Variants in SPATA16 observed in about 807,000 individuals in gnomAD.
The protein encoded by SPATA16 is spermatogenesis-associated protein 16.
Under a neutral mutation model 63.3 loss-of-function variants are expected in SPATA16, and 36 were observed. That is an observed-to-expected ratio of 0.57 (90% confidence interval 0.44 to 0.75). The LOEUF is 0.75. Ranked by LOEUF, SPATA16 falls within the 30% of genes least tolerant of loss-of-function variation. The pLI is 0.00. For missense variants in SPATA16, 646 were observed against 679.3 expected (o/e 0.95, Z 0.54); for synonymous variants, 203 against 216.7 (o/e 0.94, Z 0.56).
chr3:173,076,787 C>T (rs1488160941), intron 2 of SPATA16, among the ~76,000 whole-genome samples: 1 of 152,084 alleles, frequency 6.6e-6, no homozygotes, highest in African/African-American at 2.4e-5. Context: ...CATAAATCCC[C>T]TTTTATCACT....
intron 5 of SPATA16, among the ~76,000 whole-genome samples, chr3:172,964,511 C>T (rs1733863440): frequency 6.6e-6 from 1 of 152,130 alleles, no homozygotes; most frequent in Non-Finnish European, 1.5e-5. Context: ...AAATAAATAG[C>T]TACATTACCT....
In SPATA16 at chr3:173,049,107, T is replaced by C. The variant is rs749048781; in HGVS notation, c.613-13A>G. Reference sequence around the variant, plus strand: ...CTTTGCTGCAAAGCTTTAAAAAATATAGTACTTTCAACATCTTAATAATCT... The same window carrying C: ...CTTTGCTGCAAAGCTTTAAAAAATACAGTACTTTCAACATCTTAATAATCT... On this transcript the variant is annotated splice_polypyrimidine_tract_variant and intron_variant, in intron 2 of 10. Coordinates refer to ENST00000351008, the MANE Select transcript of SPATA16 (RefSeq NM_031955.6). 1.0e-4 allele frequency: 168 copies of C among 1,604,738 alleles called. No individual in the cohort carries two copies. The highest frequency in any genetic ancestry group is 1.4e-4 in the Non-Finnish European group (162 of 1,174,856).
intron 2 of SPATA16, among the ~76,000 whole-genome samples, chr3:173,090,918 G>C (rs1737205642): frequency 6.6e-6 from 1 of 152,136 alleles, no homozygotes; most frequent in African/African-American, 2.4e-5. Flanking sequence ...AATTTAGTTT[G>C]CTTCTGGGCA....
intron 10 of SPATA16, among the ~76,000 whole-genome samples, chr3:172,897,270 C>T (rs1419115637): frequency 2.0e-5 from 3 of 152,026 alleles, no homozygotes; most frequent in Non-Finnish European, 4.4e-5. Flanking sequence ...CAGGATATAT[C>T]GGTTTATTTC....
chr3:173,075,018 G>T (rs909295865), intron 2 of SPATA16, among the ~76,000 whole-genome samples: 2 of 133,186 alleles, frequency 1.5e-5, no homozygotes, highest in African/African-American at 2.8e-5. Flanking sequence ...AAAAAGGAAA[G>T]AAAAGAAAAA....
At chr3:172,908,283 C>A (rs917034092) in intron 10 of SPATA16, among the ~76,000 whole-genome samples, 1 of 152,054 alleles carries the variant, frequency 6.6e-6, no homozygotes, top group Non-Finnish European at 1.5e-5. Flanking sequence ...GCTGTGGCAG[C>A]GGACTTTCCA....
At chr3:173,017,241 A>T (rs1205910986) in intron 4 of SPATA16, among the ~76,000 whole-genome samples, 4 of 152,200 alleles carry the variant, frequency 2.6e-5, no homozygotes, top group Non-Finnish European at 5.9e-5. Flanking sequence ...ACTGCACACC[A>T]GCATAACCAA....
At chr3:173,130,172 C>A (rs1738335776) in intron 1 of SPATA16, among the ~76,000 whole-genome samples, 1 of 151,894 alleles carries the variant, frequency 6.6e-6, no homozygotes, top group Admixed American at 6.6e-5. Context: ...CCATCCTGGT[C>A]AACATGGTGA....
chr3:172,952,111 A>T (rs1333333912), intron 6 of SPATA16, among the ~76,000 whole-genome samples: 2 of 152,156 alleles, frequency 1.3e-5, no homozygotes, highest in Non-Finnish European at 2.9e-5. Flanking sequence ...TGAGAACATC[A>T]TCTGTAGCTG....
At chr3:172,892,617 CT>C (rs1283414193) in intron 10 of SPATA16, among the ~76,000 whole-genome samples, 2 of 151,894 alleles carry the variant, frequency 1.3e-5, no homozygotes, top group African/African-American at 2.4e-5. Context: ...TCTTTATTTT[CT>C]TTTTTTTATG....
intron 6 of SPATA16, among the ~76,000 whole-genome samples, chr3:172,950,811 T>C (rs937313103): frequency 1.9e-4 from 29 of 152,262 alleles, no homozygotes; most frequent in East Asian, 1.7e-3. Flanking sequence ...AGACAAAATA[T>C]GACTCTATCC....
intron 5 of SPATA16, among the ~76,000 whole-genome samples, chr3:172,968,986 G>T (rs1733981105): frequency 6.6e-6 from 1 of 152,134 alleles, no homozygotes; most frequent in Non-Finnish European, 1.5e-5. Flanking sequence ...CCTCAATTTG[G>T]ATACTTCCTC....
At chr3:172,946,324 G>C (rs1007805727) in intron 6 of SPATA16, among the ~76,000 whole-genome samples, 11 of 152,334 alleles carry the variant, frequency 7.2e-5, no homozygotes, top group African/African-American at 2.6e-4. Flanking sequence ...TTTAGGAAAG[G>C]AGAGAAAAGA....
rs144752782 is a variant in SPATA16, at chr3:172,924,986, G to T, written c.1228+360C>A. ...ATTAATACAACAACAGAGAATACAA[G>T]TAATTTAAGATTGTCATTGGCTATA... On this transcript the variant is annotated intron_variant, in intron 7 of 10. Coordinates refer to ENST00000351008, the MANE Select transcript of SPATA16 (RefSeq NM_031955.6). 3.9e-5 allele frequency among the ~76,000 whole-genome samples: 6 copies of T among 152,256 alleles called. No homozygotes were observed. In the East Asian group the frequency reaches 7.7e-4, roughly 20 times the overall value.
intron 4 of SPATA16, among the ~76,000 whole-genome samples, chr3:173,005,617 T>C (rs1734927703): frequency 6.6e-6 from 1 of 152,154 alleles, no homozygotes; most frequent in African/African-American, 2.4e-5. Context: ...TTAGAGGTAA[T>C]GCAAATTCAT....
chr3:172,956,393 G>A (rs1439165058), intron 6 of SPATA16, among the ~76,000 whole-genome samples: 1 of 152,056 alleles, frequency 6.6e-6, no homozygotes, highest in Non-Finnish European at 1.5e-5. Context: ...GGGAAAGATG[G>A]CATTTTACTA....
intron 1 of SPATA16, among the ~76,000 whole-genome samples, chr3:173,125,083 G>C (rs1042991674): frequency 6.6e-6 from 1 of 152,032 alleles, no homozygotes; most frequent in Non-Finnish European, 1.5e-5. Flanking sequence ...AACAATACCA[G>C]CGGGTCTCCT....
intron 1 of SPATA16, among the ~76,000 whole-genome samples, chr3:173,117,994 C>T (rs1455194044): frequency 6.6e-6 from 1 of 152,188 alleles, no homozygotes; most frequent in African/African-American, 2.4e-5. Flanking sequence ...AAATGATCCT[C>T]TGTGGCTGAA....
chr3:172,974,796 A>T (rs921592321), intron 5 of SPATA16, among the ~76,000 whole-genome samples: 1 of 152,048 alleles, frequency 6.6e-6, no homozygotes, highest in Non-Finnish European at 1.5e-5. Flanking sequence ...CTTCTCAAAC[A>T]CTTTATTCTA....
Sources: gnomAD v4.1 joint callset for allele counts (sites outside exome capture counted in the v4.1 genomes callset) on GRCh38, gnomAD v4.1.1 for gene constraint, MANE v1.5 for transcripts, NCBI Gene and HGNC (gene_info 2026-07-23, HGNC 2026-07-21) for gene names.